The following AKT3 variants were observed in gnomAD, a reference collection of about 807,000 sequenced individuals.
The protein encoded by AKT3 is RAC-gamma serine/threonine-protein kinase.
AKT3 carries 15 observed loss-of-function variants against 65.3 expected under a neutral mutation model. The ratio of observed to expected loss-of-function variants is 0.23; its 90% CI spans 0.15 to 0.35. The LOEUF (loss-of-function observed/expected upper bound fraction) is 0.35, where lower values mean the gene tolerates loss of function less well. Among genes scored for constraint, AKT3 ranks in the 10% least tolerant of loss-of-function variants. The pLI is 1.00. For missense variants in AKT3, 243 were observed against 576.5 expected (o/e 0.42, Z 5.92); for synonymous variants, 206 against 183.8 (o/e 1.12, Z -0.98).
chr1:243,492,855 C>T (rs1666911317), intron 13 of AKT3, among the ~76,000 whole-genome samples: 2 of 152,136 alleles, frequency 1.3e-5, no homozygotes, highest in African/African-American at 4.8e-5. Context: ...GATCTGCCCA[C>T]CTTGGCCTCC....
At chr1:243,733,842 CAGAT>C (rs956158941) in intron 2 of AKT3, among the ~76,000 whole-genome samples, 13 of 152,158 alleles carry the variant, frequency 8.5e-5, no homozygotes, top group South Asian at 2.1e-4. Context: ...AAAAATGACA[CAGAT>C]AGACTTGCTC....
chr1:243,542,086 T>C (rs1464405045), intron 12 of AKT3, among the ~76,000 whole-genome samples: 1 of 152,190 alleles, frequency 6.6e-6, no homozygotes, highest in African/African-American at 2.4e-5. Flanking sequence ...TGAAGACTCA[T>C]TGTTAAGATG....
chr1:243,696,959 C>A (rs561230073), intron 2 of AKT3, among the ~76,000 whole-genome samples: 1 of 152,072 alleles, frequency 6.6e-6, no homozygotes, highest in African/African-American at 2.4e-5. Context: ...TAATCCAAAT[C>A]TTTTACTATA....
chr1:243,614,924 A>G (rs1393490017), intron 7 of AKT3, among the ~76,000 whole-genome samples, 172 bp downstream of exon 7: 1 of 152,210 alleles, frequency 6.6e-6, no homozygotes, highest in Non-Finnish European at 1.5e-5. Flanking sequence ...CAATGCATAC[A>G]CACTGTAAAA....
rs1186183539 is a variant in AKT3 at position 243,653,548 on chromosome 1, T to A, written c.285-7511A>T. 3.3e-5 allele frequency among the ~76,000 whole-genome samples: 5 copies of A among 152,210 alleles called. No homozygotes were observed. In the East Asian group the frequency reaches 9.6e-4, roughly 29 times the overall value. On this transcript the variant is annotated intron_variant, in intron 4 of 13. Coordinates refer to ENST00000673466, the MANE Select transcript of AKT3 (RefSeq NM_005465.7). Reference sequence around the variant, plus strand: ...ATGTTCCATCCTGATCAATGTACCATGCTTACTTGAAAATAACGTCTCTTC... The same window carrying A: ...ATGTTCCATCCTGATCAATGTACCAAGCTTACTTGAAAATAACGTCTCTTC...
chr1:243,818,789 C>T (rs1693683607), intron 2 of AKT3, among the ~76,000 whole-genome samples: 1 of 151,908 alleles, frequency 6.6e-6, no homozygotes, highest in African/African-American at 2.4e-5. Context: ...CAAAAAAGGC[C>T]AGTGAATCCT....
At chr1:243,648,193 G>A (rs2147854193) in intron 4 of AKT3, among the ~76,000 whole-genome samples, 1 of 151,864 alleles carries the variant, frequency 6.6e-6, no homozygotes, top group African/African-American at 2.4e-5. Context: ...AGGAAATGGA[G>A]GTTGCAGTGA....
At chr1:243,532,925 C>T (rs1407172476) in intron 12 of AKT3, among the ~76,000 whole-genome samples, 1 of 152,190 alleles carries the variant, frequency 6.6e-6, no homozygotes, top group Non-Finnish European at 1.5e-5. Context: ...GGTTACTCAA[C>T]TTGGTGGCAT....
At chr1:243,737,577 G>A (rs1000444975) in intron 2 of AKT3, among the ~76,000 whole-genome samples, 6 of 152,066 alleles carry the variant, frequency 3.9e-5, no homozygotes, top group Admixed American at 2.6e-4. Context: ...ATACAGGGAT[G>A]AACAAACAAA....
At chr1:243,843,394 A>C in intron 1 of AKT3, 112 bp from the exon 2 acceptor site, 1 of 1,165,758 alleles carries the variant, frequency 8.6e-7, no homozygotes, top group African/African-American at 1.6e-5. Flanking sequence ...CTCACATAAA[A>C]GTCTGGCTCT....
intron 12 of AKT3, among the ~76,000 whole-genome samples, chr1:243,539,270 T>G (rs1057265382): frequency 6.6e-6 from 1 of 152,150 alleles, no homozygotes; most frequent in East Asian, 1.9e-4. Flanking sequence ...GAGGAAGACC[T>G]TTACGATAAT....
intron 2 of AKT3, among the ~76,000 whole-genome samples, chr1:243,826,212 C>T (rs1031227953): frequency 6.6e-6 from 1 of 152,124 alleles, no homozygotes; most frequent in African/African-American, 2.4e-5. Context: ...GAATAATACC[C>T]GACAAGAGTA....
At chr1:243,633,021 C>T (rs1211428612) in intron 6 of AKT3, among the ~76,000 whole-genome samples, 2 of 152,136 alleles carry the variant, frequency 1.3e-5, no homozygotes, top group African/African-American at 2.4e-5. Flanking sequence ...GCTTGCTTAT[C>T]ATCAAATACA....
rs1222579239 is a variant in AKT3, at chr1:243,649,399, A to G, written c.285-3362T>C. ...GTGTGTATATATATATGTTATGTGT[A>G]TATATATATACACATACACACATAC... On this transcript the variant is annotated intron_variant, in intron 4 of 13. Coordinates refer to ENST00000673466, the MANE Select transcript of AKT3 (RefSeq NM_005465.7). Among the ~76,000 whole-genome samples, 19 of 150,638 alleles carry G rather than the reference A, an allele frequency of 1.3e-4. No individual in the cohort carries two copies. The East Asian group carries it at 3.1e-3, about 25-fold the overall frequency.
intron 4 of AKT3, among the ~76,000 whole-genome samples, chr1:243,648,823 C>G (rs1481429027): frequency 6.6e-6 from 1 of 152,034 alleles, no homozygotes; most frequent in South Asian, 2.1e-4. Context: ...TTTAACAATA[C>G]CCCAAAACGT....
intron 3 of AKT3, among the ~76,000 whole-genome samples, chr1:243,686,649 A>ATATT (rs1684333006): frequency 4.4e-5 from 1 of 22,496 alleles, no homozygotes; most frequent in African/African-American, 1.4e-4. Flanking sequence ...ATATATATAT[A>ATATT]TATTTTTTTT....
intron 8 of AKT3, among the ~76,000 whole-genome samples, chr1:243,592,876 G>A (rs190128320): frequency 6.6e-6 from 1 of 152,270 alleles, no homozygotes; most frequent in Admixed American, 6.5e-5. Context: ...ATGCATAGTG[G>A]CATTTATAAC....
At chr1:243,733,448 C>T (rs945478185) in intron 2 of AKT3, among the ~76,000 whole-genome samples, 1 of 152,178 alleles carries the variant, frequency 6.6e-6, no homozygotes, top group African/African-American at 2.4e-5. Context: ...AGCTAAAAGG[C>T]ATAACCTACC....
chr1:243,778,886 C>T (rs1195258634), intron 2 of AKT3, among the ~76,000 whole-genome samples: 1 of 151,540 alleles, frequency 6.6e-6, no homozygotes, highest in African/African-American at 2.4e-5. Flanking sequence ...GAGGTTTTTC[C>T]ATGATTTTCC....
Sources: allele counts gnomAD v4.1 joint callset (sites outside exome capture counted in the v4.1 genomes callset), GRCh38; gene constraint gnomAD v4.1.1; transcripts MANE v1.5; gene names NCBI Gene and HGNC (gene_info 2026-07-23, HGNC 2026-07-21).